Variants in SHISAL1 observed in about 807,000 individuals in gnomAD.
SHISAL1 encodes the protein shisa like 1, also known as protein shisa-like-1.
In SHISAL1, 9 loss-of-function variants were observed where a neutral mutation model predicts 22.6. The observed-to-expected ratio is 0.40, with a 90% confidence interval of 0.24 to 0.70. The LOEUF (loss-of-function observed/expected upper bound fraction) is 0.70. Among genes scored for constraint, SHISAL1 ranks in the 30% least tolerant of loss-of-function variants. The probability of loss-of-function intolerance (pLI) is 0.39; values close to 1 mark genes in which losing one functional copy is unlikely to be tolerated. For missense variants in SHISAL1, 246 were observed against 270.6 expected, an observed-to-expected ratio of 0.91 and a Z score of 0.64; for synonymous variants, 119 against 115.4, an observed-to-expected ratio of 1.03 and a Z score of -0.20.
chr22:44,263,703 C>A (rs1416892757), intron 4 of SHISAL1, among the ~76,000 whole-genome samples: 1 of 152,132 alleles, frequency 6.6e-6, no homozygotes, highest in Non-Finnish European at 1.5e-5. Context: ...GTCCTTGCAT[C>A]TGGAAGGGGC....
At chr22:44,324,757 T>C in the SHISAL1 span, among the ~76,000 whole-genome samples, 1 of 152,186 alleles carries the variant, frequency 6.6e-6, no homozygotes, top group African/African-American at 2.4e-5. Flanking sequence ...GGAGGCAGCC[T>C]GCCTGAGATC....
intron 1 of SHISAL1, among the ~76,000 whole-genome samples, chr22:44,309,846 T>G (rs2055505600): frequency 6.6e-6 from 1 of 152,218 alleles, no homozygotes; most frequent in South Asian, 2.1e-4. Flanking sequence ...AATCTCACTC[T>G]GAAACGTGAA....
At chr22:44,323,447 TCC>T in the SHISAL1 span, among the ~76,000 whole-genome samples, 2 of 131,854 alleles carry the variant, frequency 1.5e-5, no homozygotes, top group Non-Finnish European at 3.2e-5. Flanking sequence ...CCATCAACCA[TCC>T]ATCCATCCAT....
intron 4 of SHISAL1, among the ~76,000 whole-genome samples, chr22:44,257,594 A>C (rs1277768320): frequency 6.6e-6 from 1 of 152,258 alleles, no homozygotes; most frequent in Non-Finnish European, 1.5e-5. Context: ...AAAAAAATAA[A>C]ATCTATTCAT....
chr22:44,325,838 G>A, the SHISAL1 span, among the ~76,000 whole-genome samples: 15 of 151,978 alleles, frequency 9.9e-5, no homozygotes, highest in African/African-American at 3.6e-4. Flanking sequence ...ATTTCCTCAG[G>A]CTGCTCCTCT....
intron 4 of SHISAL1, among the ~76,000 whole-genome samples, chr22:44,251,307 G>A (rs2055045920): frequency 6.6e-6 from 1 of 152,156 alleles, no homozygotes; most frequent in African/African-American, 2.4e-5. Context: ...TGAACCATCT[G>A]TCAAGAATAA....
chr22:44,250,454 G>A (rs535147910), intron 4 of SHISAL1, among the ~76,000 whole-genome samples: 5 of 152,312 alleles, frequency 3.3e-5, no homozygotes, highest in South Asian at 4.1e-4. Flanking sequence ...AGCTTTGATT[G>A]GCAGAGTCAA....
At chr22:44,267,228 C>T (rs1601782464) in intron 4 of SHISAL1, among the ~76,000 whole-genome samples, 1 of 152,222 alleles carries the variant, frequency 6.6e-6, no homozygotes, top group Admixed American at 6.5e-5. Context: ...GTTCTTCCTG[C>T]CACAGGTGGG....
intron 3 of SHISAL1, among the ~76,000 whole-genome samples, chr22:44,292,173 A>G (rs997568874): frequency 1.3e-5 from 2 of 152,000 alleles, no homozygotes; most frequent in African/African-American, 4.8e-5. Context: ...TTTCACCAGC[A>G]GGGAGGGCTG....
At chr22:44,271,651 G>A (rs1327863436) in intron 4 of SHISAL1, among the ~76,000 whole-genome samples, 1 of 152,246 alleles carries the variant, frequency 6.6e-6, no homozygotes, top group Non-Finnish European at 1.5e-5. Context: ...CCATGTCGAT[G>A]GAGATAAATT....
rs146003569 is a variant in SHISAL1, at chr22:44,267,694, C to T, written c.599+17734G>A. Among the ~76,000 whole-genome samples the T allele has an allele frequency of 1.4e-4, 22 of 152,364 alleles. No individual in the cohort carries two copies. In the East Asian group the frequency reaches 4.2e-3, roughly 29 times the overall value. ...GTCCCCTCCTGCGCTTCCTTCCTCC[C>T]CCACACTCATGCCACCTGGCTGCTC... On this transcript the variant is annotated intron_variant, in intron 4 of 4. Coordinates refer to ENST00000381176, the MANE Select transcript of SHISAL1 (RefSeq NM_001099294.2).
chr22:44,299,412 C>A (rs572571579), intron 2 of SHISAL1, among the ~76,000 whole-genome samples: 159 of 152,358 alleles, frequency 1.0e-3, no homozygotes, highest in African/African-American at 3.7e-3. Context: ...GAGTGTCTCA[C>A]CTTCCTCATT....
intron 1 of SHISAL1, among the ~76,000 whole-genome samples, chr22:44,312,457 G>A (rs547215632): frequency 7.2e-5 from 11 of 152,082 alleles, no homozygotes; most frequent in Non-Finnish European, 1.3e-4. Flanking sequence ...GCACAGAGAC[G>A]GTCAGCAACT....
chr22:44,317,065 C>T (rs2055562364), upstream of SHISAL1, among the ~76,000 whole-genome samples: 1 of 152,224 alleles, frequency 6.6e-6, no homozygotes, highest in Non-Finnish European at 1.5e-5. Flanking sequence ...GCCAGCTCCC[C>T]AACCCCTGAC....
chr22:44,310,836 TGCCTAGTACAA>T lies in SHISAL1; in HGVS notation c.-33+1904_-33+1914del, dbSNP rs2055513025. On this transcript the variant is annotated intron_variant, in intron 1 of 4. Transcript: ENST00000381176. This position sits in a 1 kb window ranked among gnomAD's most constrained non-coding sequence, Gnocchi z 4.0. ...CTTACCTGTTGGTTTACTGCTTCCC[TGCCTAGTACAA>T]GCTCTTCAAGGGTGGGAAATTTTGT... Among the ~76,000 whole-genome samples the T allele has an allele frequency of 1.3e-5, 2 of 152,124 alleles. No homozygotes were observed. The highest frequency in any genetic ancestry group is 6.5e-5 in the Admixed American group (1 of 15,288).
rs974400738 is a variant in SHISAL1 at position 44,248,662 on chromosome 22, A to G, written c.*1023T>C. On this transcript the variant is annotated 3_prime_UTR_variant, in exon 5 of 5. Transcript: ENST00000381176. ...AGAGATGAGATCTAACTCATCTTTC[A>G]TTCCCATCACTGCCCAGCACGGGGC... is the stretch of plus-strand genomic sequence containing the variant. The G allele has an allele frequency of 7.2e-5, 11 of 152,296 alleles. 1 individual carries two copies. Among genetic ancestry groups the G allele is most frequent in the Admixed American group, 4.6e-4 (7 of 15,304 alleles). The allele number at this position is 152,296 out of a possible 1,614,324, so 9.4% of individuals were successfully genotyped here. A position where few individuals can be genotyped will look rare whatever the true frequency, so the allele number is the denominator to read the frequency against.
chr22:44,329,181 G>A, the SHISAL1 span, among the ~76,000 whole-genome samples: 1 of 152,334 alleles, frequency 6.6e-6, no homozygotes, highest in South Asian at 2.1e-4. Context: ...TGCCAAGGGT[G>A]AGCCGAGGCC....
intron 3 of SHISAL1, among the ~76,000 whole-genome samples, chr22:44,286,385 C>T (rs567640559): frequency 6.6e-6 from 1 of 152,296 alleles, no homozygotes; most frequent in South Asian, 2.1e-4. Flanking sequence ...CATTTCCCCA[C>T]CGAGGGCTGC....
intron 1 of SHISAL1, among the ~76,000 whole-genome samples, chr22:44,301,782 T>A (rs2147303452): frequency 6.6e-6 from 1 of 152,258 alleles, no homozygotes; most frequent in East Asian, 1.9e-4. Context: ...GAATTATGCC[T>A]ATGAACTAGG....
Sources: allele counts gnomAD v4.1 joint callset (sites outside exome capture counted in the v4.1 genomes callset), GRCh38; gene constraint gnomAD v4.1.1; non-coding constraint Gnocchi (gnomAD v3.1); transcripts MANE v1.5; gene names NCBI Gene and HGNC (gene_info 2026-07-23, HGNC 2026-07-21).